Variants in RBM39 observed in about 807,000 individuals in gnomAD.
RBM39 encodes the protein RNA-binding protein 39.
A neutral mutation model predicts 79.6 loss-of-function variants in RBM39; 12 were observed. The ratio of observed to expected loss-of-function variants is 0.15; its 90% CI spans 0.10 to 0.24. The LOEUF is 0.24. Ranked by LOEUF, RBM39 falls within the 10% of genes least tolerant of loss-of-function variation. The pLI is 1.00. For missense variants in RBM39, 243 were observed against 653.4 expected (o/e 0.37, Z 6.85); for synonymous variants, 185 against 208.4 (o/e 0.89, Z 0.97).
intron 10 of RBM39, among the ~76,000 whole-genome samples, chr20:35,715,063 A>G (rs2036937492): frequency 6.6e-6 from 1 of 152,240 alleles, no homozygotes; most frequent in Non-Finnish European, 1.5e-5. Context: ...TGCTATCAAC[A>G]TAGCAACAGG....
chr20:35,740,730 G>T, intron 2 of RBM39, 94 bp downstream of exon 2: 1 of 1,369,694 alleles, frequency 7.3e-7, no homozygotes, highest in Non-Finnish European at 1.0e-6. Context: ...AAATCAAGAG[G>T]GCTCCGGGGA....
At chr20:35,713,994 A>G (rs1186591336) in intron 11 of RBM39, 191 bp downstream of exon 11, 4 of 596,132 alleles carry the variant, frequency 6.7e-6, no homozygotes, top group African/African-American at 1.9e-5. Context: ...GTGGCATTCA[A>G]AACACATAAT....
At position 35,703,343 on chromosome 20, in the gene RBM39, T is replaced by A. The variant is rs1480625448; in HGVS notation, c.*1138A>T. 1 of 152,186 alleles carries A rather than the reference T, an allele frequency of 6.6e-6. No homozygotes were observed. Among genetic ancestry groups the A allele is most frequent in the Admixed American group, 6.5e-5 (1 of 15,272 alleles). 9.4% of individuals were successfully genotyped at this position (152,186 alleles called of 1,614,324 possible). ...TTTCTTCATAAATATGCCCAGACAA[T>A]GCAGGAGACCAAGAATGCCCAGGTT... is the stretch of plus-strand genomic sequence containing the variant. On this transcript the variant is annotated 3_prime_UTR_variant, in exon 17 of 17. Transcript: ENST00000253363.
intron 13 of RBM39, among the ~76,000 whole-genome samples, chr20:35,708,460 AC>A (rs1445731865): frequency 6.6e-6 from 1 of 152,162 alleles, no homozygotes; most frequent in Non-Finnish European, 1.5e-5. Flanking sequence ...AATGCAGAAC[AC>A]AGTAAATCTA....
intron 10 of RBM39, among the ~76,000 whole-genome samples, chr20:35,714,835 TA>T (rs956554524): frequency 1.3e-5 from 2 of 152,034 alleles, no homozygotes; most frequent in Non-Finnish European, 2.9e-5. Context: ...CACAAGCAAA[TA>T]AATACATAAC....
Position 35,732,029 on chromosome 20 carries a change from C to T in RBM39, c.208G>A (p.Glu70Lys). The T allele has an allele frequency of 6.2e-7, 1 of 1,614,148 alleles. No homozygotes were observed. ...TCTTTGCTTCTACTTCGCTTTCTTT[C>T]ACGGCTTTTGCTCTTTTTCCTTTCT... The part of the protein sequence containing the change: ...DRERKKSKSR[E>K]RKRSRSKERR... Residue 70 changes from glutamate to lysine, a missense_variant, in exon 4 of 17, where the codon GAA becomes AAA. Physicochemically the swap from Glu to Lys is moderately conservative, Grantham distance 56 (BLOSUM62 1). Around this residue, in one of 4 missense-constraint regions of RBM39, gnomAD observed 115 missense variants for 184.1 expected, o/e 0.62. Coordinates refer to ENST00000253363, the MANE Select transcript of RBM39 (RefSeq NM_184234.3).
At chr20:35,734,670 G>A (rs1448261119) in intron 3 of RBM39, 4 of 496,322 alleles carry the variant, frequency 8.1e-6, no homozygotes, top group East Asian at 3.7e-5. Context: ...GGTCTTCTAG[G>A]ACTTTTTGTA....
rs552518803 is a variant in RBM39, at chr20:35,717,658, A to G, written c.826-853T>C. 1.5e-4 allele frequency among the ~76,000 whole-genome samples: 23 copies of G among 152,312 alleles called. 1 individual carries two copies. The highest frequency in any genetic ancestry group is 1.4e-3 in the Admixed American group (21 of 15,292). On this transcript the variant is annotated intron_variant, in intron 9 of 16. Coordinates refer to ENST00000253363, the MANE Select transcript of RBM39 (RefSeq NM_184234.3). The stretch of plus-strand genomic sequence containing the variant: ...CAGTGAACTGTAACACAATCTCCTG[A>G]TTTAGCTGTCCATTTAAAAAAAGGT...
intron 12 of RBM39, among the ~76,000 whole-genome samples, chr20:35,710,722 A>G (rs1009014676): frequency 6.6e-6 from 1 of 152,204 alleles, no homozygotes; most frequent in African/African-American, 2.4e-5. Context: ...GTTATATGTA[A>G]TATTTTAATG....
At chr20:35,729,274 G>A (rs1569052777) in intron 6 of RBM39, 38 bp downstream of exon 6, 4 of 1,522,434 alleles carry the variant, frequency 2.6e-6, no homozygotes, top group South Asian at 2.5e-5. Context: ...AGCTGCAAAA[G>A]CTTTTTAAGA....
chr20:35,720,636 T>C (rs2037792095), intron 9 of RBM39, among the ~76,000 whole-genome samples: 1 of 149,212 alleles, frequency 6.7e-6, no homozygotes, highest in Non-Finnish European at 1.5e-5. Context: ...TCGAGCATGA[T>C]GGCAGGCACC....
At chr20:35,722,247 T>C (rs2038037774) in intron 8 of RBM39, among the ~76,000 whole-genome samples, 3 of 150,912 alleles carry the variant, frequency 2.0e-5, no homozygotes, top group South Asian at 4.2e-4. Context: ...CTCTACCAAA[T>C]ATAGAAAAAA....
At chr20:35,715,649 G>A (rs1331206494) in intron 10 of RBM39, among the ~76,000 whole-genome samples, 1 of 152,148 alleles carries the variant, frequency 6.6e-6, no homozygotes, top group Non-Finnish European at 1.5e-5. Context: ...TGAATAGCTG[G>A]CTGACCCCTA....
At chr20:35,711,517 T>C (rs998197106) in intron 12 of RBM39, among the ~76,000 whole-genome samples, 1 of 152,206 alleles carries the variant, frequency 6.6e-6, no homozygotes, top group Non-Finnish European at 1.5e-5. Flanking sequence ...GTTCTGATTC[T>C]TGTAAGTATA....
intron 14 of RBM39, 48 bp from the exon 15 acceptor site, chr20:35,705,378 CTATA>C: frequency 9.8e-7 from 1 of 1,022,128 alleles, no homozygotes; most frequent in African/African-American, 1.7e-5. Context: ...AACTAACAAA[CTATA>C]TATTTACAAA....
At chr20:35,705,958 T>C (rs933637793) in intron 14 of RBM39, among the ~76,000 whole-genome samples, 2 of 152,088 alleles carry the variant, frequency 1.3e-5, no homozygotes, top group Non-Finnish European at 2.9e-5. Flanking sequence ...TTTCAGCACT[T>C]TGGGAAGCTG....
chr20:35,718,286 A>AC (rs2037426398), intron 9 of RBM39, among the ~76,000 whole-genome samples: 1 of 152,082 alleles, frequency 6.6e-6, no homozygotes, highest in Non-Finnish European at 1.5e-5. Context: ...ACAAAACAAA[A>AC]AAAAAACGGG....
In RBM39 at chr20:35,741,008, G is replaced by A. The variant is rs367668691; in HGVS notation, c.-13-121C>T. ...TAAACGCCTAGGAAAAGAACAAGAC[G>A]ATTCCGTGAGTAAACATTTTTCTTT... On this transcript the variant is annotated intron_variant, in intron 1 of 16. Coordinates refer to ENST00000253363, the MANE Select transcript of RBM39 (RefSeq NM_184234.3). The A allele has an allele frequency of 5.5e-4, 162 of 293,938 alleles. 4 individuals are homozygous for A. In the South Asian group the frequency reaches 5.5e-3, roughly 10 times the overall value. 18.2% of individuals were successfully genotyped at this position (293,938 alleles called of 1,614,324 possible).
intron 3 of RBM39, chr20:35,734,736 A>G: frequency 8.8e-7 from 1 of 1,134,704 alleles, no homozygotes; most frequent in African/African-American, 1.6e-5. Flanking sequence ...AGACAGCAAC[A>G]TACTAAGACA....
Sources: allele counts gnomAD v4.1 joint callset (sites outside exome capture counted in the v4.1 genomes callset), GRCh38; gene constraint gnomAD v4.1.1; regional missense constraint gnomAD v4.1.1; transcripts MANE v1.5; gene names NCBI Gene and HGNC (gene_info 2026-07-23, HGNC 2026-07-21).